LUZP2: variants seen among roughly 807,000 people sequenced by gnomAD.
LUZP2 encodes the protein leucine zipper protein 2.
In LUZP2, 52 loss-of-function variants were observed where a neutral mutation model predicts 51.6. That is an observed-to-expected ratio of 1.01 (90% CI 0.81 to 1.27). The LOEUF is 1.27. Ranked by LOEUF, LUZP2 falls within the 50% of genes most tolerant of loss-of-function variation. LUZP2 has a pLI of 0.00. For missense variants in LUZP2, 436 were observed against 395.4 expected (o/e 1.10, Z -0.87); for synonymous variants, 154 against 137.3 (o/e 1.12, Z -0.85).
chr11:24,990,238 G>A (rs754847108), intron 9 of LUZP2, among the ~76,000 whole-genome samples: 1 of 151,770 alleles, frequency 6.6e-6, no homozygotes, highest in Non-Finnish European at 1.5e-5. Context: ...CTATTGAATG[G>A]GTTATCCTGA....
At chr11:24,631,037 C>T (rs1440021865) in intron 1 of LUZP2, among the ~76,000 whole-genome samples, 6 of 151,970 alleles carry the variant, frequency 3.9e-5, no homozygotes, top group African/African-American at 1.2e-4. Flanking sequence ...TTTTGTACAT[C>T]GATTTTATGT....
intron 1 of LUZP2, among the ~76,000 whole-genome samples, chr11:24,640,998 GATATA>G (rs1855262673): frequency 1.0e-5 from 1 of 99,948 alleles, no homozygotes; most frequent in Non-Finnish European, 2.1e-5. Context: ...TATAGATATA[GATATA>G]GATATAGATA....
At position 25,067,780 on chromosome 11, in the gene LUZP2, A is replaced by T. The variant is rs1481249388; in HGVS notation, c.859-9549A>T. 2.0e-5 allele frequency among the ~76,000 whole-genome samples: 3 copies of T among 151,998 alleles called. No individual in the cohort carries two copies. In the East Asian group the frequency reaches 5.8e-4, roughly 29 times the overall value. ...AGTGTGGAGATTCCTCAAGGATTTG[A>T]ACTAGAAATATCATTTGACCCAGCA... On this transcript the variant is annotated intron_variant, in intron 10 of 11. Transcript: ENST00000336930.
At chr11:24,777,218 C>A (rs1192555400) in intron 5 of LUZP2, among the ~76,000 whole-genome samples, 1 of 151,996 alleles carries the variant, frequency 6.6e-6, no homozygotes, top group Non-Finnish European at 1.5e-5. Context: ...TGGTCTTGAT[C>A]TTCTGACATT....
chr11:25,027,176 A>T (rs1857517232), intron 9 of LUZP2, among the ~76,000 whole-genome samples: 1 of 152,126 alleles, frequency 6.6e-6, no homozygotes, highest in African/African-American at 2.4e-5. Context: ...TCATTGCTAA[A>T]TTAGCTCCTC....
intron 1 of LUZP2, among the ~76,000 whole-genome samples, chr11:24,653,428 G>A (rs936073100): frequency 6.6e-6 from 1 of 152,108 alleles, no homozygotes; most frequent in African/African-American, 2.4e-5. Context: ...GGGGAAGGCA[G>A]AACATTCATG....
intron 10 of LUZP2, among the ~76,000 whole-genome samples, chr11:25,071,129 A>C (rs200985208): frequency 2.8e-4 from 1 of 3,598 alleles, no homozygotes; most frequent in South Asian, 0.021. Context: ...GAGGTATGAT[A>C]ATGTGTTTTA....
At chr11:24,511,229 C>T (rs1057032589) in intron 1 of LUZP2, among the ~76,000 whole-genome samples, 4 of 151,978 alleles carry the variant, frequency 2.6e-5, no homozygotes, top group African/African-American at 9.7e-5. Flanking sequence ...TATAGTAAGC[C>T]CTTATTTAAT....
chr11:24,990,162 G>A (rs1232315149), intron 9 of LUZP2, among the ~76,000 whole-genome samples: 1 of 151,886 alleles, frequency 6.6e-6, no homozygotes, highest in African/African-American at 2.4e-5. Context: ...CTAAATGAAT[G>A]CACTCAAATT....
At chr11:24,981,592 G>A (rs1217653718) in intron 8 of LUZP2, among the ~76,000 whole-genome samples, 2 of 151,802 alleles carry the variant, frequency 1.3e-5, no homozygotes, top group African/African-American at 4.8e-5. Context: ...CTCTATTCAA[G>A]ATGGAGTTGC....
chr11:24,657,699 C>A (rs368850668), intron 1 of LUZP2, among the ~76,000 whole-genome samples: 4 of 152,176 alleles, frequency 2.6e-5, no homozygotes, highest in African/African-American at 4.8e-5. Context: ...AGCCCAAAAT[C>A]TCCTTAACCT....
intron 7 of LUZP2, among the ~76,000 whole-genome samples, chr11:24,965,747 T>C (rs555792488): frequency 1.3e-5 from 2 of 151,942 alleles, no homozygotes; most frequent in East Asian, 3.9e-4. Context: ...ATGTAGAATA[T>C]TAAATGGCTC....
At chr11:24,918,613 T>G (rs532103333) in intron 7 of LUZP2, among the ~76,000 whole-genome samples, 1 of 151,614 alleles carries the variant, frequency 6.6e-6, no homozygotes, top group Non-Finnish European at 1.5e-5. Flanking sequence ...TCATGCTTTT[T>G]TTAGATTTGA....
At position 24,566,609 on chromosome 11, in the gene LUZP2, TGTATGTATAGATATAC is replaced by T. The variant is rs1479971824; in HGVS notation, c.62+69305_62+69320del. 2.9e-3 allele frequency among the ~76,000 whole-genome samples: 333 copies of T among 112,988 alleles called. 1 individual carries two copies. The highest frequency in any genetic ancestry group is 0.012 in the African/African-American group (323 of 26,562). 74.1% of individuals were successfully genotyped at this position (112,988 alleles called of 152,430 possible). ...ATGTATGTGTGTATATATATATGTATGTATGTATAGATATACACACACACACACACACACACAAAAA... is the reference window on the plus strand; with the variant it reads ...ATGTATGTGTGTATATATATATGTATACACACACACACACACACACAAAAA... On this transcript the variant is annotated intron_variant, in intron 1 of 11. Transcript: ENST00000336930.
chr11:24,547,904 C>T (rs76225727), intron 1 of LUZP2, among the ~76,000 whole-genome samples: 2,206 of 151,950 alleles, frequency 0.015, 40 homozygotes, highest in South Asian at 0.06. Context: ...TGGACAGACA[C>T]TTCTCAGTAG....
At chr11:24,588,477 G>A (rs915699735) in intron 1 of LUZP2, among the ~76,000 whole-genome samples, 2 of 152,002 alleles carry the variant, frequency 1.3e-5, no homozygotes, top group Non-Finnish European at 2.9e-5. Flanking sequence ...TGTAGACAAA[G>A]GCAAAAGTAT....
intron 1 of LUZP2, among the ~76,000 whole-genome samples, chr11:24,557,837 A>G (rs1360327677): frequency 5.3e-5 from 8 of 152,132 alleles, no homozygotes; most frequent in Admixed American, 5.2e-4. Context: ...TCAGATAGCT[A>G]ATAAAACACT....
intron 9 of LUZP2, among the ~76,000 whole-genome samples, chr11:25,008,020 G>T (rs760085735): frequency 2.6e-5 from 4 of 152,056 alleles, no homozygotes; most frequent in Non-Finnish European, 5.9e-5. Context: ...TTTAATAAAC[G>T]TTCATTTAAA....
intron 1 of LUZP2, among the ~76,000 whole-genome samples, chr11:24,617,850 T>TAATA (rs1031076387): frequency 9.2e-5 from 14 of 151,852 alleles, no homozygotes; most frequent in African/African-American, 2.4e-4. Context: ...ATAATAACAA[T>TAATA]AATAAATAAA....
Sources: allele counts gnomAD v4.1 joint callset (sites outside exome capture counted in the v4.1 genomes callset), GRCh38; gene constraint gnomAD v4.1.1; transcripts MANE v1.5; gene names NCBI Gene and HGNC (gene_info 2026-07-23, HGNC 2026-07-21).